The following ADGRG4 variants were observed in gnomAD, a reference collection of about 807,000 sequenced individuals.
ADGRG4 encodes adhesion G protein-coupled receptor G4.
A neutral mutation model predicts 126.2 loss-of-function variants in ADGRG4; 122 were observed. That is an observed-to-expected ratio of 0.97 (90% CI 0.83 to 1.12). The LOEUF is 1.12. Ranked by LOEUF, ADGRG4 falls within the 50% of genes most tolerant of loss-of-function variation. The probability of loss-of-function intolerance (pLI) is 0.00; values close to 1 mark genes in which losing one functional copy is unlikely to be tolerated. For synonymous variants in ADGRG4, 943 were observed against 838.7 expected (o/e 1.12, Z -2.15); for missense variants, 2,481 against 2,251.8 (o/e 1.10, Z -2.06).
At position 136,345,215 on chromosome X, in the gene ADGRG4, A is replaced by C. The variant is rs2075006204; in HGVS notation, c.1509A>C (p.Thr503=). Residue 503 remains threonine (T), a synonymous_variant, in exon 6 of 26, where the codon ACA becomes ACC. Coordinates refer to ENST00000394143, the MANE Select transcript of ADGRG4 (RefSeq NM_153834.4). Reference sequence around the variant, plus strand: ...CAACTGATATGAAAATAGCATTTACAGTCCATTCATTGACTCTCCCAACTA... The same window carrying C: ...CAACTGATATGAAAATAGCATTTACCGTCCATTCATTGACTCTCCCAACTA... ...LATTDMKIAF[T]VHSLTLPTRL... is the part of the protein sequence containing the mutation. The C allele has an allele frequency of 8.3e-7, 1 of 1,209,196 alleles. No homozygotes were observed. Among genetic ancestry groups the C allele is most frequent in the Non-Finnish European group, 1.1e-6 (1 of 894,364 alleles).
chrX:136,377,609 A>G (rs1188103601), intron 15 of ADGRG4, among the ~76,000 whole-genome samples: 1 of 111,941 alleles, frequency 8.9e-6, no homozygotes, highest in Non-Finnish European at 1.9e-5. Context: ...ACATTCTCTT[A>G]TGCTTTTCTT....
intron 24 of ADGRG4, among the ~76,000 whole-genome samples, chrX:136,413,809 C>T (rs1330860225): frequency 2.8e-5 from 3 of 107,890 alleles, no homozygotes; most frequent in Non-Finnish European, 3.8e-5. Flanking sequence ...GGTGCCATCT[C>T]GGCTCACCGC....
chrX:136,416,611 A>T lies in ADGRG4; in HGVS notation c.*120A>T. ...CCAAAATCTCACAAATCACCACTAAATAATGTACTCATGTAACCAAATGCT... is the reference window on the plus strand; with the variant it reads ...CCAAAATCTCACAAATCACCACTAATTAATGTACTCATGTAACCAAATGCT... On this transcript the variant is annotated 3_prime_UTR_variant, in exon 26 of 26. Coordinates refer to ENST00000394143, the MANE Select transcript of ADGRG4 (RefSeq NM_153834.4). 2.1e-6 allele frequency: 1 copy of T among 478,550 alleles called. No individual in the cohort carries two copies. The highest frequency in any genetic ancestry group is 3.5e-6 in the Non-Finnish European group (1 of 287,323). The allele number at this position is 478,550 out of a possible 1,213,427, so 39.4% of individuals were successfully genotyped here. A position where few individuals can be genotyped will look rare whatever the true frequency, so the allele number is the denominator to read the frequency against.
chrX:136,321,637 A>G (rs143370441), intron 4 of ADGRG4, among the ~76,000 whole-genome samples: 2 of 111,560 alleles, frequency 1.8e-5, no homozygotes, highest in Non-Finnish European at 3.8e-5. Context: ...TTAGGTTGAT[A>G]ATTAGGTAAT....
At chrX:136,399,763 C>A in intron 20 of ADGRG4, 85 bp from the exon 21 acceptor site, 1 of 809,345 alleles carries the variant, frequency 1.2e-6, no homozygotes, top group Non-Finnish European at 1.8e-6. Context: ...TATTCTTTCA[C>A]TTATTATGTA....
At chrX:136,371,673 C>A in intron 14 of ADGRG4, 129 bp downstream of exon 14, 1 of 426,139 alleles carries the variant, frequency 2.3e-6, no homozygotes, top group Middle Eastern at 6.6e-4. Flanking sequence ...TTAAAAAAAT[C>A]TTGCGTCGAT....
rs140638522 is a variant in ADGRG4, at chrX:136,313,796, C to T, written c.70+4949C>T. Among the ~76,000 whole-genome samples the T allele has an allele frequency of 1.3e-3, 145 of 111,596 alleles. 1 individual carries two copies. Among genetic ancestry groups the T allele is most frequent in the Middle Eastern group, 4.6e-3 (1 of 218 alleles). ...TGGATGGGCTTCTAGGATCCTTGGCCTGGATTTTTGTTACCTAGGTGCTTT... is the reference window on the plus strand; with the variant it reads ...TGGATGGGCTTCTAGGATCCTTGGCTTGGATTTTTGTTACCTAGGTGCTTT... On this transcript the variant is annotated intron_variant, in intron 4 of 25. Transcript: ENST00000394143.
At chrX:136,363,860 A>C (rs2075142631) in intron 13 of ADGRG4, among the ~76,000 whole-genome samples, 1 of 111,269 alleles carries the variant, frequency 9.0e-6, no homozygotes, top group Non-Finnish European at 1.9e-5. Context: ...CCCAGGCTGG[A>C]GTGCAACGGC....
chrX:136,345,332 T>C lies in ADGRG4; in HGVS notation c.1626T>C (p.Asp542=), dbSNP rs1302743201. The change falls in exon 6 of 26, where the codon GAT becomes GAC. Residue 542 remains aspartate, a synonymous_variant. Transcript: ENST00000394143. ...FQDVSLPRVE[D]AMSTSMSKET... ...ATGTCTCTTTACCCAGAGTGGAAGA[T>C]GCCATGTCTACTTCCATGTCGAAAG... 5.0e-6 allele frequency: 6 copies of C among 1,208,044 alleles called. No homozygotes were observed. The highest frequency in any genetic ancestry group is 6.7e-6 in the Non-Finnish European group (6 of 893,437).
At chrX:136,414,419 C>T in intron 25 of ADGRG4, 92 bp downstream of exon 25, 2 of 729,276 alleles carry the variant, frequency 2.7e-6, no homozygotes, top group East Asian at 6.4e-5. Context: ...GATACTTCCT[C>T]TTCAAAACTA....
Position 136,346,072 on chromosome X carries a change from T to A in ADGRG4, c.2366T>A (p.Ile789Lys), listed in dbSNP as rs780274644. The part of the protein sequence containing the change: ...RETVVPSVDI[I>K]STLACIQPNF... ...ACTGTTGTTCCATCAGTAGATATAA[T>A]ATCTACTCTTGCTTGCATTCAACCA... The change falls in exon 6 of 26, where the codon ATA becomes AAA. Residue 789 changes from isoleucine to lysine, a missense_variant. By Grantham distance (102) the Ile-to-Lys change is moderately radical (BLOSUM62 -3). Transcript: ENST00000394143. The A allele has an allele frequency of 8.3e-7, 1 of 1,209,328 alleles. No individual in the cohort carries two copies. The highest frequency in any genetic ancestry group is 1.8e-5 in the South Asian group (1 of 56,427).
intron 15 of ADGRG4, among the ~76,000 whole-genome samples, chrX:136,381,902 T>A (rs2075266029): frequency 1.8e-5 from 2 of 111,156 alleles, no homozygotes; most frequent in African/African-American, 6.6e-5. Flanking sequence ...AGCCAGTCTC[T>A]CCTTTTCATG....
intron 4 of ADGRG4, among the ~76,000 whole-genome samples, chrX:136,314,273 C>T (rs2074791772): frequency 9.0e-6 from 1 of 111,331 alleles, no homozygotes; most frequent in Admixed American, 9.6e-5. Context: ...TCATACCACT[C>T]TTTTACTCAA....
At chrX:136,350,668 A>T (rs1325618594) in intron 6 of ADGRG4, among the ~76,000 whole-genome samples, 1 of 111,808 alleles carries the variant, frequency 8.9e-6, no homozygotes, top group Non-Finnish European at 1.9e-5. Flanking sequence ...GTTTTCACTC[A>T]GCATGACAAT....
At chrX:136,362,440 G>A (rs920968293) in intron 12 of ADGRG4, among the ~76,000 whole-genome samples, 18 of 111,213 alleles carry the variant, frequency 1.6e-4, no homozygotes, top group Non-Finnish European at 3.0e-4. Flanking sequence ...ACCCGCCTCC[G>A]CCAACTATAT....
At chrX:136,301,806 C>T (rs1238777139) in intron 1 of ADGRG4, among the ~76,000 whole-genome samples, 15 of 111,736 alleles carry the variant, frequency 1.3e-4, no homozygotes, top group Non-Finnish European at 2.8e-4. Context: ...ATATGGCTAG[C>T]CAGTTTTCCC....
chrX:136,378,780 A>G (rs1371282846), intron 15 of ADGRG4, among the ~76,000 whole-genome samples: 1 of 111,484 alleles, frequency 9.0e-6, no homozygotes, highest in Non-Finnish European at 1.9e-5. Flanking sequence ...TATCCTCTTA[A>G]TATGGTAAAT....
intron 24 of ADGRG4, among the ~76,000 whole-genome samples, chrX:136,413,569 C>T (rs1408687307): frequency 9.0e-6 from 1 of 111,248 alleles, no homozygotes; most frequent in African/African-American, 3.3e-5. Flanking sequence ...CAGCAACCTG[C>T]TGGTCCTTGT....
chrX:136,334,116 CT>C (rs2074933844), intron 5 of ADGRG4, among the ~76,000 whole-genome samples: 1 of 91,586 alleles, frequency 1.1e-5, no homozygotes, highest in Non-Finnish European at 2.2e-5. Flanking sequence ...TTCTTTCTTT[CT>C]TTCTTTCTTT....
Sources: gnomAD v4.1 joint callset for allele counts (sites outside exome capture counted in the v4.1 genomes callset) on GRCh38, gnomAD v4.1.1 for gene constraint, MANE v1.5 for transcripts, NCBI Gene and HGNC (gene_info 2026-07-23, HGNC 2026-07-21) for gene names.